The following WDCP variants were observed in gnomAD, a reference collection of about 807,000 sequenced individuals.
WDCP encodes WD repeat and coiled coil containing.
Under a neutral mutation model 41.6 loss-of-function variants are expected in WDCP, and 19 were observed. The ratio of observed to expected loss-of-function variants is 0.46; its 90% CI spans 0.32 to 0.67. The LOEUF (loss-of-function observed/expected upper bound fraction) is 0.67, where lower values mean the gene tolerates loss of function less well. WDCP is among the 30% of genes least tolerant of loss of function. WDCP has a pLI of 0.04. For synonymous variants in WDCP, 302 were observed against 320.8 expected (o/e 0.94, Z 0.63); for missense variants, 802 against 850.7 (o/e 0.94, Z 0.71).
At position 24,030,791 on chromosome 2, in the gene WDCP, CAG is replaced by C. The variant is rs137952507; in HGVS notation, c.*140_*141del. 74,376 of 653,848 alleles carry C rather than the reference CAG, an allele frequency of 0.11. 4,763 individuals carry two copies. Among genetic ancestry groups the C allele is most frequent in the Middle Eastern group, 0.17 (405 of 2,412 alleles). 40.5% of individuals were successfully genotyped at this position (653,848 alleles called of 1,614,324 possible). On this transcript the variant is annotated 3_prime_UTR_variant, in exon 4 of 4. Transcript: ENST00000295148. ...GCAGCGAGCCTCAGCTCAGGGGAAA[CAG>C]GGGGAAACCAGGAGAGCCGACCATG... is the stretch of plus-strand genomic sequence containing the variant.
chr2:24,037,550 A>G (rs1313097480), intron 2 of WDCP, 127 bp downstream of exon 2: 3 of 1,104,984 alleles, frequency 2.7e-6, no homozygotes, highest in Non-Finnish European at 2.6e-6. Flanking sequence ...ACTTGCCTGT[A>G]ACATAACATG....
rs1323554733 is a variant in WDCP, at chr2:24,038,530, A to C, written c.965T>G (p.Val322Gly). The C allele has an allele frequency of 1.2e-6, 2 of 1,614,152 alleles. No individual in the cohort carries two copies. Among genetic ancestry groups the C allele is most frequent in the Non-Finnish European group, 1.7e-6 (2 of 1,180,062 alleles). ...TGQDSSHLVL[V>G]TFKKAVTMTR... ...CATGGTAACTGCCTTCTTAAAGGTC[A>C]CAAGGACCAAATGTGAAGAATCTTG... The change falls in exon 2 of 4, where the codon GTG (valine) becomes GGG (glycine). Residue 322 changes from valine to glycine, a missense_variant. Around this residue, in one of 5 missense-constraint regions of WDCP, gnomAD observed 247 missense variants for 240.5 expected, o/e 1.03. Coordinates refer to ENST00000295148, the MANE Select transcript of WDCP (RefSeq NM_025203.3).
chr2:24,043,564 T>C (rs958669418), intron 1 of WDCP, among the ~76,000 whole-genome samples: 1 of 152,216 alleles, frequency 6.6e-6, no homozygotes, highest in African/African-American at 2.4e-5. Context: ...TTAACCTTAT[T>C]AGTTATCAAA....
rs1663057798 is a variant in WDCP at position 24,029,885 on chromosome 2, A to G, written c.*1048T>C. On this transcript the variant is annotated 3_prime_UTR_variant, in exon 4 of 4. Transcript: ENST00000295148. ...AGTGAGAAGTGGTGTTACCATCTGA[A>G]GTGGGTCAGGGCTCTTACCTGACTA... The G allele has an allele frequency of 6.6e-6, 1 of 152,556 alleles. No individual in the cohort carries two copies. The highest frequency in any genetic ancestry group is 1.5e-5 in the Non-Finnish European group (1 of 68,028). 9.5% of individuals were successfully genotyped at this position (152,556 alleles called of 1,614,324 possible). A position where few individuals can be genotyped will look rare whatever the true frequency, so the allele number is the denominator to read the frequency against.
In WDCP at chr2:24,039,132, C is replaced by T. The variant is rs1663347053; in HGVS notation, c.363G>A (p.Trp121Ter). ...CAGTCAGAATAGCACATTTTGGGTG[C>T]CACACACAGCCCTGGGGAAGGATAG... ...SLPILPQGCVWHPKCAILTVL... is the reference protein window; with the variant it reads ...SLPILPQGCV Residue 121 changes from tryptophan to a stop codon, truncating the protein, a stop_gained, in exon 2 of 4, where the codon TGG (tryptophan) becomes TGA (stop). Transcript: ENST00000295148. LOFTEE classifies it high-confidence loss of function. The T allele has an allele frequency of 6.2e-7, 1 of 1,614,078 alleles. No individual in the cohort carries two copies. Among genetic ancestry groups the T allele is most frequent in the African/African-American group, 1.3e-5 (1 of 74,920 alleles).
rs534393069 is a variant in WDCP at position 24,038,102 on chromosome 2, C to T, written c.1393G>A (p.Glu465Lys). 4 of 1,614,050 alleles carry T rather than the reference C, an allele frequency of 2.5e-6. No homozygotes were observed. The highest frequency in any genetic ancestry group is 3.4e-6 in the Non-Finnish European group (4 of 1,180,034). The change falls in exon 2 of 4, where the codon GAA (glutamate) becomes AAA (lysine). Residue 465 changes from glutamate to lysine, a missense_variant. Coordinates refer to ENST00000295148, the MANE Select transcript of WDCP (RefSeq NM_025203.3). ...LNKANRKKLI[E>K]SLSPDFCHQN... ...TGACAAAAATCTGGGGAAAGACTTT[C>T]AATTAACTTTTTTCTATTTGCTTTA...
intron 1 of WDCP, among the ~76,000 whole-genome samples, chr2:24,046,729 A>G (rs1663637724): frequency 6.6e-6 from 1 of 152,196 alleles, no homozygotes; most frequent in Admixed American, 6.5e-5. Flanking sequence ...CATACACAAG[A>G]AAAAAATTAA....
intron 2 of WDCP, among the ~76,000 whole-genome samples, chr2:24,036,864 G>A (rs774751026): frequency 3.9e-5 from 6 of 152,216 alleles, no homozygotes; most frequent in Non-Finnish European, 7.3e-5. Context: ...AAGGATCCAT[G>A]TTAAGCTGCT....
intron 3 of WDCP, among the ~76,000 whole-genome samples, chr2:24,032,542 A>C (rs1573653879): frequency 2.0e-5 from 3 of 152,082 alleles, no homozygotes; most frequent in Admixed American, 2.0e-4. Flanking sequence ...TTGGCTGGGC[A>C]TGGTAGTGAA....
intron 2 of WDCP, among the ~76,000 whole-genome samples, chr2:24,034,645 C>T (rs1050121021): frequency 1.3e-5 from 2 of 150,414 alleles, no homozygotes; most frequent in African/African-American, 4.9e-5. Context: ...ACGATCACAG[C>T]TCACTGCAGC....
In WDCP at chr2:24,029,713, C is replaced by A. The variant is rs1663054829; in HGVS notation, c.*1220G>T. 1 of 152,170 alleles carries A rather than the reference C, an allele frequency of 6.6e-6. No individual in the cohort carries two copies. Among genetic ancestry groups the A allele is most frequent in the African/African-American group, 2.4e-5 (1 of 41,428 alleles). The allele number at this position is 152,170 out of a possible 1,614,324, so 9.4% of individuals were successfully genotyped here. A position where few individuals can be genotyped will look rare whatever the true frequency, so the allele number is the denominator to read the frequency against. The stretch of plus-strand genomic sequence containing the variant: ...CCCAAGGGCACAAAATAGTTTCTTT[C>A]CAGATGATTTTAAAGGAAGGGGGGA... On this transcript the variant is annotated 3_prime_UTR_variant, in exon 4 of 4. Transcript: ENST00000295148.
Position 24,047,313 on chromosome 2 carries a change from C to T in WDCP, c.-19+1G>A, listed in dbSNP as rs1005550806. The T allele has an allele frequency of 2.6e-5, 4 of 152,072 alleles. No individual in the cohort carries two copies. Among genetic ancestry groups the T allele is most frequent in the Non-Finnish European group, 5.9e-5 (4 of 68,016 alleles). 9.4% of individuals were successfully genotyped at this position (152,072 alleles called of 1,614,324 possible). A position where few individuals can be genotyped will look rare whatever the true frequency, so the allele number is the denominator to read the frequency against. On this transcript the variant is annotated splice_donor_variant, in intron 1 of 3. Coordinates refer to ENST00000295148, the MANE Select transcript of WDCP (RefSeq NM_025203.3). LOFTEE classifies it low-confidence loss of function (5UTR_SPLICE). ...GCCCGGCAGCAGTGGAGATGAAATACCTTAGGTCTCACTGCCTCACAAAAA... is the reference window on the plus strand; with the variant it reads ...GCCCGGCAGCAGTGGAGATGAAATATCTTAGGTCTCACTGCCTCACAAAAA...
intron 2 of WDCP, among the ~76,000 whole-genome samples, chr2:24,033,744 A>C (rs1004115664): frequency 1.3e-5 from 2 of 152,044 alleles, no homozygotes; most frequent in Non-Finnish European, 2.9e-5. Flanking sequence ...CCATCTCTAA[A>C]TAAATAAATA....
In WDCP at chr2:24,038,832, A is replaced by G. The variant is rs760239130; in HGVS notation, c.663T>C (p.Thr221=). 2 of 1,614,222 alleles carry G rather than the reference A, an allele frequency of 1.2e-6. No homozygotes were observed. The highest frequency in any genetic ancestry group is 2.2e-5 in the South Asian group (2 of 91,084). ...CACAGATCTTATCCAATGGAAGCTC[A>G]GTAGCTATAGCAACCTGTGAGTCCA... ...ATVDSQVAIA[T]ELPLDKICGL... The change falls in exon 2 of 4, where the codon ACT becomes ACC. Residue 221 remains threonine (T), a synonymous_variant. Coordinates refer to ENST00000295148, the MANE Select transcript of WDCP (RefSeq NM_025203.3).
In WDCP at chr2:24,032,254, C is replaced by T. The variant is rs575865357; in HGVS notation, c.1936+575G>A. Among the ~76,000 whole-genome samples, 7 of 152,194 alleles carry T rather than the reference C, an allele frequency of 4.6e-5. No individual in the cohort carries two copies. In the South Asian group the frequency reaches 1.0e-3, roughly 23 times the overall value. On this transcript the variant is annotated intron_variant, in intron 3 of 3. Transcript: ENST00000295148. ...GGCTGAGGCTGGGTGCAGTGGCTCA[C>T]GCCTTTAATCCCAGCACTTTGGGAG...
intron 2 of WDCP, among the ~76,000 whole-genome samples, chr2:24,033,463 T>C (rs751692266): frequency 6.6e-6 from 1 of 152,200 alleles, no homozygotes; most frequent in Non-Finnish European, 1.5e-5. Flanking sequence ...AAAAATTGGC[T>C]GGGCACAGTG....
chr2:24,039,520 G>A lies in WDCP; in HGVS notation c.-18-8C>T. The A allele has an allele frequency of 6.3e-7, 1 of 1,598,984 alleles. No homozygotes were observed. The highest frequency in any genetic ancestry group is 1.7e-4 in the Middle Eastern group (1 of 5,990). ...CCTTTTGATAAAGGTTACCTGAAAT[G>A]ATTAAGAAGGAAAGTTACACCATGA... On this transcript the variant is annotated splice_region_variant and splice_polypyrimidine_tract_variant and intron_variant, in intron 1 of 3. Transcript: ENST00000295148.
chr2:24,037,713 G>C lies in WDCP; in HGVS notation c.1782C>G (p.Leu594=). The change falls in exon 2 of 4, where the codon CTC becomes CTG. Residue 594 remains leucine (L), a synonymous_variant. Transcript: ENST00000295148. ...TGTGAACATAAGGAAGATCTTGAGA[G>C]AGTGGATACACTGAAGAGGATTTCT... ...NGKKSSSVYP[L]SQDLPYVHII... is the part of the protein sequence containing the mutation. 6.2e-7 allele frequency: 1 copy of C among 1,613,740 alleles called. No individual in the cohort carries two copies. The highest frequency in any genetic ancestry group is 8.5e-7 in the Non-Finnish European group (1 of 1,179,894).
At position 24,038,235 on chromosome 2, in the gene WDCP, A is replaced by G. The variant is rs1663316945; in HGVS notation, c.1260T>C (p.Asp420=). The part of the protein sequence containing the change: ...DTTFLPSSKS[D]QYAISLIVRE... ...TAACAATCAAGCTAATGGCATACTG[A>G]TCAGACTTTGAAGAAGGAAGAAATG... Residue 420 remains aspartate, a synonymous_variant, in exon 2 of 4, where the codon GAT becomes GAC. Coordinates refer to ENST00000295148, the MANE Select transcript of WDCP (RefSeq NM_025203.3). 1 of 1,614,162 alleles carries G rather than the reference A, an allele frequency of 6.2e-7. No individual in the cohort carries two copies. Among genetic ancestry groups the G allele is most frequent in the Non-Finnish European group, 8.5e-7 (1 of 1,179,996 alleles).
Sources: allele counts gnomAD v4.1 joint callset (sites outside exome capture counted in the v4.1 genomes callset), GRCh38; gene constraint gnomAD v4.1.1; regional missense constraint gnomAD v4.1.1; transcripts MANE v1.5; gene names NCBI Gene and HGNC (gene_info 2026-07-23, HGNC 2026-07-21).